CSNK1G3: variants seen among roughly 807,000 people sequenced by gnomAD.
CSNK1G3 encodes the protein casein kinase I isoform gamma-3.
A neutral mutation model predicts 64.3 loss-of-function variants in CSNK1G3; 23 were observed. The observed-to-expected ratio is 0.36, with a 90% CI of 0.26 to 0.51. The LOEUF (loss-of-function observed/expected upper bound fraction) is 0.51, where lower values mean the gene tolerates loss of function less well. CSNK1G3 is among the 20% of genes least tolerant of loss of function. The probability of loss-of-function intolerance (pLI) is 0.96; values close to 1 mark genes in which losing one functional copy is unlikely to be tolerated. For missense variants in CSNK1G3, 357 were observed against 510.5 expected (o/e 0.70, Z 2.90); for synonymous variants, 158 against 162.2 (o/e 0.97, Z 0.20).
chr5:123,520,155 A>G lies in CSNK1G3; in HGVS notation c.-248+7585A>G, dbSNP rs1053296389. 4.6e-5 allele frequency among the ~76,000 whole-genome samples: 7 copies of G among 152,306 alleles called. No homozygotes were observed. In the South Asian group the frequency reaches 1.4e-3, roughly 32 times the overall value. Reference sequence around the variant, plus strand: ...CCTAGCCTGCTTAAATGAAAATGCAAAAGCAGACTGTTTGGGACAATTCAT... The same window carrying G: ...CCTAGCCTGCTTAAATGAAAATGCAGAAGCAGACTGTTTGGGACAATTCAT... On this transcript the variant is annotated intron_variant, in intron 1 of 12. Transcript: ENST00000345990.
At chr5:123,598,340 G>C (rs1793820183) in intron 10 of CSNK1G3, among the ~76,000 whole-genome samples, 1 of 152,134 alleles carries the variant, frequency 6.6e-6, no homozygotes, top group Admixed American at 6.6e-5. Context: ...AGGTTTTCTT[G>C]AATGAAAAGA....
At chr5:123,545,684 C>T in exon 2 of CSNK1G3, 1 of 1,611,858 alleles carries the variant, frequency 6.2e-7, no homozygotes, top group East Asian at 2.2e-5. Flanking sequence ...AAAAGAAAGA[C>T]AAGGACAAAT....
intron 1 of CSNK1G3, 56 bp from the exon 2 acceptor site, chr5:123,545,361 C>T (rs758103049): frequency 9.5e-6 from 2 of 210,144 alleles, no homozygotes; most frequent in Admixed American, 5.4e-5. Context: ...ATCTAATTTC[C>T]CAGACATATA....
chr5:123,524,855 T>G (rs1347569487), intron 1 of CSNK1G3, among the ~76,000 whole-genome samples: 1 of 152,184 alleles, frequency 6.6e-6, no homozygotes, highest in Non-Finnish European at 1.5e-5. Context: ...CTTTCCATCC[T>G]TAAACACTGA....
At chr5:123,570,892 G>T (rs930476013) in intron 4 of CSNK1G3, among the ~76,000 whole-genome samples, 4 of 152,098 alleles carry the variant, frequency 2.6e-5, no homozygotes. Flanking sequence ...GAGAGCTGTC[G>T]ATGTTGTGGT....
intron 12 of CSNK1G3, among the ~76,000 whole-genome samples, chr5:123,613,815 G>C (rs1167742841): frequency 6.6e-6 from 1 of 152,116 alleles, no homozygotes; most frequent in Non-Finnish European, 1.5e-5. Context: ...CAATAAGCTT[G>C]ACCTTCTTTA....
chr5:123,530,657 A>G (rs1779773516), intron 1 of CSNK1G3, among the ~76,000 whole-genome samples: 1 of 152,224 alleles, frequency 6.6e-6, no homozygotes, highest in African/African-American at 2.4e-5. Flanking sequence ...CATTGTTTAA[A>G]CAAAACTGGG....
chr5:123,601,104 G>A (rs1185474480), intron 10 of CSNK1G3, among the ~76,000 whole-genome samples: 1 of 151,996 alleles, frequency 6.6e-6, no homozygotes, highest in African/African-American at 2.4e-5. Flanking sequence ...GTATTTCAGA[G>A]ACTCATCTTC....
intron 4 of CSNK1G3, among the ~76,000 whole-genome samples, chr5:123,565,934 G>T (rs181358567): frequency 6.6e-6 from 1 of 152,278 alleles, no homozygotes. Flanking sequence ...CAACACTGAG[G>T]ATTATAACTC....
chr5:123,592,025 GTTATTA>G (rs1034469251), intron 10 of CSNK1G3, among the ~76,000 whole-genome samples: 1 of 152,030 alleles, frequency 6.6e-6, no homozygotes, highest in South Asian at 2.1e-4. Context: ...TGCTGTTACT[GTTATTA>G]TTATTACAAT....
chr5:123,519,967 A>G (rs961348171), intron 1 of CSNK1G3, among the ~76,000 whole-genome samples: 1 of 152,206 alleles, frequency 6.6e-6, no homozygotes, highest in Non-Finnish European at 1.5e-5. Flanking sequence ...TAGTACAGAT[A>G]CCTGTGTTCT....
chr5:123,570,785 T>C lies in CSNK1G3; in HGVS notation c.290-2608T>C, dbSNP rs1787937356. On this transcript the variant is annotated intron_variant, in intron 4 of 12. Transcript: ENST00000345990. ...TAACAAACTGTAGTGGAATAAGTTA[T>C]TAGAGATTGTTAAATTGAGAGGATG... Among the ~76,000 whole-genome samples the C allele has an allele frequency of 2.6e-5, 4 of 152,220 alleles. No individual in the cohort carries two copies. The South Asian group carries it at 6.2e-4, about 24-fold the overall frequency.
chr5:123,581,360 G>GTTTTTT (rs10612602), intron 6 of CSNK1G3, among the ~76,000 whole-genome samples: 85 of 81,560 alleles, frequency 1.0e-3, no homozygotes, highest in South Asian at 1.3e-3. Flanking sequence ...TTTTGGGTTT[G>GTTTTTT]TTTTTTTTTT....
At chr5:123,601,341 G>A (rs1019781662) in intron 10 of CSNK1G3, among the ~76,000 whole-genome samples, 1 of 152,090 alleles carries the variant, frequency 6.6e-6, no homozygotes, top group Non-Finnish European at 1.5e-5. Flanking sequence ...CAAGTCACCG[G>A]TGTTAAATAG....
intron 4 of CSNK1G3, among the ~76,000 whole-genome samples, chr5:123,571,169 C>T (rs1788022763): frequency 1.3e-5 from 2 of 152,082 alleles, no homozygotes; most frequent in Non-Finnish European, 1.5e-5. Context: ...GGTGGTGATA[C>T]ATACACATTG....
At chr5:123,588,614 A>T (rs1031644019) in intron 8 of CSNK1G3, 103 bp downstream of exon 8, 7 of 763,416 alleles carry the variant, frequency 9.2e-6, no homozygotes. Context: ...TAAAAAAAAA[A>T]GAGCTAAAAA....
intron 12 of CSNK1G3, among the ~76,000 whole-genome samples, chr5:123,613,918 G>A (rs1748990150): frequency 6.6e-6 from 1 of 152,102 alleles, no homozygotes; most frequent in African/African-American, 2.4e-5. Flanking sequence ...ATGTTGACTA[G>A]TGTATATTGG....
At chr5:123,535,869 C>T (rs1386942928) in intron 1 of CSNK1G3, among the ~76,000 whole-genome samples, 1 of 152,092 alleles carries the variant, frequency 6.6e-6, no homozygotes, top group Non-Finnish European at 1.5e-5. Context: ...TCTCTCCCTC[C>T]TAGTTTCAGA....
chr5:123,549,661 CTTGT>C (rs1333799886), intron 2 of CSNK1G3, among the ~76,000 whole-genome samples: 4 of 152,198 alleles, frequency 2.6e-5, no homozygotes, highest in Admixed American at 2.0e-4. Context: ...TCCGCTTGCT[CTTGT>C]TTTTCTGCCA....
Sources: gnomAD v4.1 joint callset for allele counts (sites outside exome capture counted in the v4.1 genomes callset) on GRCh38, gnomAD v4.1.1 for gene constraint, MANE v1.5 for transcripts, NCBI Gene and HGNC (gene_info 2026-07-23, HGNC 2026-07-21) for gene names.